Variants in NUGGC observed in about 807,000 individuals in gnomAD.
NUGGC encodes the protein nuclear GTPase SLIP-GC.
NUGGC carries 58 observed loss-of-function variants against 92.6 expected under a neutral mutation model. That is an observed-to-expected ratio of 0.63 (90% CI 0.51 to 0.78). The LOEUF is 0.78. Ranked by LOEUF, NUGGC falls within the 30% of genes least tolerant of loss-of-function variation. NUGGC has a pLI of 0.00. For missense variants in NUGGC, 925 were observed against 964.6 expected (o/e 0.96, Z 0.54); for synonymous variants, 376 against 366.4 (o/e 1.03, Z -0.30).
In NUGGC at chr8:28,074,472, A is replaced by G; in HGVS notation, c.-46-16T>C. The G allele has an allele frequency of 6.3e-7, 1 of 1,579,786 alleles. No individual in the cohort carries two copies. The highest frequency in any genetic ancestry group is 8.7e-7 in the Non-Finnish European group (1 of 1,151,474). ...GAGAACCAGCCTGTGAAGACAAAGT[A>G]CAAAGACAGGTGGGGCAGCGGAATT... On this transcript the variant is annotated splice_polypyrimidine_tract_variant and intron_variant, in intron 1 of 18. Coordinates refer to ENST00000413272, the MANE Select transcript of NUGGC (RefSeq NM_001010906.2).
intron 13 of NUGGC, among the ~76,000 whole-genome samples, chr8:28,035,915 CTCTG>C (rs1809542858): frequency 6.6e-6 from 1 of 152,234 alleles, no homozygotes; most frequent in African/African-American, 2.4e-5. Context: ...CAGGGTCTCT[CTCTG>C]TCACCCAGGC....
chr8:28,058,706 ATT>A (rs35352060), intron 8 of NUGGC, among the ~76,000 whole-genome samples: 2 of 146,244 alleles, frequency 1.4e-5, no homozygotes, highest in Non-Finnish European at 3.0e-5. Context: ...AATTATGTTA[ATT>A]TTTTTTTTTT....
At chr8:28,037,273 A>C (rs1809578315) in intron 13 of NUGGC, among the ~76,000 whole-genome samples, 1 of 152,142 alleles carries the variant, frequency 6.6e-6, no homozygotes, top group Admixed American at 6.5e-5. Flanking sequence ...CCAACTCTTC[A>C]ACCTGGTCTA....
rs374800129 is a variant in NUGGC, at chr8:28,047,655, A to G, written c.1207-43T>C. ...CACAGAAAACAGAATAACTCAAACCATAGCAAAGGCAATCATGCACAGGAC... is the reference window on the plus strand; with the variant it reads ...CACAGAAAACAGAATAACTCAAACCGTAGCAAAGGCAATCATGCACAGGAC... On this transcript the variant is annotated intron_variant, in intron 10 of 18. Coordinates refer to ENST00000413272, the MANE Select transcript of NUGGC (RefSeq NM_001010906.2). 142 of 1,268,506 alleles carry G rather than the reference A, an allele frequency of 1.1e-4. 2 individuals carry two copies. The East Asian group carries it at 3.0e-3, about 26-fold the overall frequency. 78.6% of individuals were successfully genotyped at this position (1,268,506 alleles called of 1,614,324 possible). A position where few individuals can be genotyped will look rare whatever the true frequency, so the allele number is the denominator to read the frequency against.
chr8:28,078,709 G>A (rs183377198), intron 1 of NUGGC, among the ~76,000 whole-genome samples: 12 of 152,220 alleles, frequency 7.9e-5, no homozygotes, highest in Admixed American at 2.0e-4. Context: ...TAGGGCTTCC[G>A]TGTGGCCAAG....
At chr8:28,032,723 GAAA>G (rs61015850) in intron 14 of NUGGC, among the ~76,000 whole-genome samples, 2 of 87,824 alleles carry the variant, frequency 2.3e-5, no homozygotes, top group Non-Finnish European at 4.8e-5. Flanking sequence ...TCCATCTCAA[GAAA>G]AAAAAAAAAA....
chr8:28,069,874 C>T (rs1810542761), intron 3 of NUGGC: 2 of 576,510 alleles, frequency 3.5e-6, no homozygotes, highest in South Asian at 4.6e-5. Context: ...TGCTCTGAAA[C>T]TCTGGTAACA....
chr8:28,073,006 T>A (rs1369520487), intron 2 of NUGGC, among the ~76,000 whole-genome samples: 1 of 40,896 alleles, frequency 2.4e-5, no homozygotes, highest in East Asian at 1.8e-3. Context: ...ACTGTTGAAA[T>A]TTTTTTTTTT....
chr8:28,045,748 G>A (rs912306903), intron 11 of NUGGC, 88 bp from the exon 12 acceptor site: 50 of 1,406,892 alleles, frequency 3.6e-5, no homozygotes, highest in Admixed American at 2.8e-4. Flanking sequence ...CCAAGGTGGC[G>A]ATATGAATGA....
intron 14 of NUGGC, among the ~76,000 whole-genome samples, chr8:28,031,620 T>C (rs772329884): frequency 6.6e-6 from 1 of 152,216 alleles, no homozygotes; most frequent in African/African-American, 2.4e-5. Flanking sequence ...TCAGAGAGGA[T>C]TGCTGGTGTG....
chr8:28,041,450 TCA>T, intron 12 of NUGGC, among the ~76,000 whole-genome samples: 1 of 152,352 alleles, frequency 6.6e-6, no homozygotes, highest in African/African-American at 2.4e-5. Flanking sequence ...TTCTTAAAAA[TCA>T]CAGTCTCTGC....
rs1461509103 is a variant in NUGGC at position 28,069,637 on chromosome 8, G to A, written c.164C>T (p.Ser55Leu). ...SALKEYEKLESRTRRVLSNTY... is the reference protein window; with the variant it reads ...SALKEYEKLELRTRRVLSNTY... ...GTTGCTCAAAACCCTTCTGGTCCGT[G>A]ATTCCAATTTTTCATCTGGAATTAA... The change falls in exon 4 of 19, where the codon TCA (serine) becomes TTA (leucine). Residue 55 changes from serine (S) to leucine (L), a missense_variant. By Grantham distance (145) the Ser-to-Leu change is moderately radical. Coordinates refer to ENST00000413272, the MANE Select transcript of NUGGC (RefSeq NM_001010906.2). 1.2e-6 allele frequency: 2 copies of A among 1,604,902 alleles called. No homozygotes were observed. The highest frequency in any genetic ancestry group is 2.7e-5 in the African/African-American group (2 of 74,706).
intron 1 of NUGGC, among the ~76,000 whole-genome samples, chr8:28,081,686 G>A (rs1158493994): frequency 6.6e-6 from 1 of 152,104 alleles, no homozygotes; most frequent in African/African-American, 2.4e-5. Flanking sequence ...AGACCATCCT[G>A]GCTAACTCGG....
At chr8:28,053,842 T>A (rs1309670009) in intron 10 of NUGGC, among the ~76,000 whole-genome samples, 2 of 152,236 alleles carry the variant, frequency 1.3e-5, no homozygotes, top group African/African-American at 2.4e-5. Context: ...AGACCAGCTG[T>A]ACTAAGTTTT....
At chr8:28,023,784 C>A (rs1045725936) in intron 18 of NUGGC, among the ~76,000 whole-genome samples, 20 of 152,152 alleles carry the variant, frequency 1.3e-4, no homozygotes, top group Admixed American at 1.0e-3. Context: ...GGCGGCTCCC[C>A]CTCTTCCCCC....
At chr8:28,050,794 G>A (rs185829670) in intron 10 of NUGGC, among the ~76,000 whole-genome samples, 2 of 149,772 alleles carry the variant, frequency 1.3e-5, no homozygotes, top group Admixed American at 1.3e-4. Flanking sequence ...CTGGGCAACA[G>A]AGCCAGGCTC....
chr8:28,076,881 G>A (rs10110509), intron 1 of NUGGC, among the ~76,000 whole-genome samples: 30,041 of 152,096 alleles, frequency 0.2, 3,156 homozygotes, highest in African/African-American at 0.26. Flanking sequence ...CTAGGTGGCA[G>A]GTACAAGAAA....
intron 3 of NUGGC, 31 bp from the exon 4 acceptor site, chr8:28,069,683 G>A: frequency 8.1e-7 from 1 of 1,237,162 alleles, no homozygotes; most frequent in South Asian, 1.2e-5. Flanking sequence ...TCACCTGCAG[G>A]TACCTGGCAG....
intron 10 of NUGGC, among the ~76,000 whole-genome samples, chr8:28,054,726 C>T (rs112942797): frequency 3.3e-5 from 5 of 152,118 alleles, no homozygotes; most frequent in East Asian, 1.9e-4. Context: ...ACTTTTTCAC[C>T]TTACTAAAGA....
Sources: allele counts gnomAD v4.1 joint callset (sites outside exome capture counted in the v4.1 genomes callset), GRCh38; gene constraint gnomAD v4.1.1; transcripts MANE v1.5; gene names NCBI Gene and HGNC (gene_info 2026-07-23, HGNC 2026-07-21).